The following LAT2 variants were observed in gnomAD, a reference collection of about 807,000 sequenced individuals.
The protein encoded by LAT2 is linker for activation of T-cells family member 2.
A neutral mutation model predicts 43.4 loss-of-function variants in LAT2; 23 were observed. The ratio of observed to expected loss-of-function variants is 0.53; its 90% confidence interval spans 0.38 to 0.75. The LOEUF (loss-of-function observed/expected upper bound fraction) is 0.75. LAT2 is among the 30% of genes least tolerant of loss of function. The probability of loss-of-function intolerance (pLI) is 0.00; values close to 1 mark genes in which losing one functional copy is unlikely to be tolerated. For synonymous variants in LAT2, 128 were observed against 123.2 expected (o/e 1.04, Z -0.26); for missense variants, 284 against 310.2 (o/e 0.92, Z 0.64).
chr7:74,216,397 G>A (rs1802049188), intron 3 of LAT2, among the ~76,000 whole-genome samples: 1 of 151,918 alleles, frequency 6.6e-6, no homozygotes, highest in Admixed American at 6.6e-5. Context: ...TTTGGACAGA[G>A]TCTTGCTCTG....
chr7:74,223,415 C>A (rs1554715571), intron 10 of LAT2, among the ~76,000 whole-genome samples: 1 of 152,068 alleles, frequency 6.6e-6, no homozygotes, highest in African/African-American at 2.4e-5. Context: ...TCGTTTGAGC[C>A]GGGAGTTGGA....
rs781813410 is a variant in LAT2 at position 74,220,690 on chromosome 7, G to A, written c.302-14G>A. 2.6e-5 allele frequency: 42 copies of A among 1,610,418 alleles called. No homozygotes were observed. The highest frequency in any genetic ancestry group is 4.5e-5 in the East Asian group (2 of 44,804). ...ACCCAGGGGCTCAGGCCCAATTCTCGCCTCCTCCCGCAGGAAGCAGACACG... is the reference window on the plus strand; with the variant it reads ...ACCCAGGGGCTCAGGCCCAATTCTCACCTCCTCCCGCAGGAAGCAGACACG... On this transcript the variant is annotated splice_polypyrimidine_tract_variant and intron_variant, in intron 8 of 13. Transcript: ENST00000460943. This position sits in a 1 kb window ranked among gnomAD's most constrained non-coding sequence, Gnocchi z 4.5.
chr7:74,219,580 A>G (rs1802184747), intron 4 of LAT2, among the ~76,000 whole-genome samples, 164 bp from the exon 5 acceptor site: 1 of 152,164 alleles, frequency 6.6e-6, no homozygotes, highest in Non-Finnish European at 1.5e-5. Context: ...TAGCATGGGG[A>G]GCCGTGAGAA....
chr7:74,226,059 G>A (rs1194743166), intron 13 of LAT2: 1 of 152,260 alleles, frequency 6.6e-6, no homozygotes, highest in African/African-American at 2.4e-5. Flanking sequence ...CACTTCGGGA[G>A]GCTGAGGCGG....
intron 12 of LAT2, 41 bp from the exon 13 acceptor site, chr7:74,224,598 A>G: frequency 1.3e-6 from 2 of 1,522,662 alleles, no homozygotes; most frequent in Non-Finnish European, 1.8e-6. Flanking sequence ...GGGTGTCTCC[A>G]TGTGAACCAC....
At chr7:74,214,596 A>G (rs1273135281) in intron 1 of LAT2, among the ~76,000 whole-genome samples, 7 of 594 alleles carry the variant, frequency 0.012, 1 homozygote, top group African/African-American at 0.016. Flanking sequence ...AAATATATAT[A>G]TGAAAATATA....
At chr7:74,213,680 C>T (rs931382191) in intron 1 of LAT2, among the ~76,000 whole-genome samples, 6 of 152,160 alleles carry the variant, frequency 3.9e-5, no homozygotes, top group Admixed American at 2.0e-4. Context: ...GCCTTGGCCT[C>T]CCAAAGTGCT....
chr7:74,222,230 C>CA (rs113312443), intron 10 of LAT2, among the ~76,000 whole-genome samples: 12,204 of 65,560 alleles, frequency 0.19, 882 homozygotes, highest in East Asian at 0.44. Flanking sequence ...TACAAAAATA[C>CA]AAAAAAAAAA....
intron 13 of LAT2, among the ~76,000 whole-genome samples, chr7:74,226,908 G>T (rs2116202337): frequency 6.6e-6 from 1 of 152,194 alleles, no homozygotes; most frequent in East Asian, 1.9e-4. Context: ...ACAGGTCTGA[G>T]CAAAGCCAGG....
rs1554715033 is a variant in LAT2, at chr7:74,220,538, A to T, written c.266-46A>T. On this transcript the variant is annotated intron_variant, in intron 7 of 13. Transcript: ENST00000460943. The surrounding 1 kb of genome is among the most constrained non-coding windows in gnomAD (Gnocchi z 4.5). ...GGCTGCAGCACCCGAGCTGGGTGCA[A>T]AGCAGGGGCCAGGGGAGAAAGCAAT... 1 of 1,612,874 alleles carries T rather than the reference A, an allele frequency of 6.2e-7. No homozygotes were observed. The highest frequency in any genetic ancestry group is 2.2e-5 in the East Asian group (1 of 44,860).
At chr7:74,218,657 C>T (rs1802132594) in intron 4 of LAT2, among the ~76,000 whole-genome samples, 1 of 152,170 alleles carries the variant, frequency 6.6e-6, no homozygotes, top group Non-Finnish European at 1.5e-5. Context: ...TCCATGGCCA[C>T]ACTTTGGTGC....
rs1289583696 is a variant in LAT2, at chr7:74,219,957, T to C, written c.179-3T>C. 4 of 1,613,550 alleles carry C rather than the reference T, an allele frequency of 2.5e-6. No individual in the cohort carries two copies. Among genetic ancestry groups the C allele is most frequent in the Non-Finnish European group, 3.4e-6 (4 of 1,179,982 alleles). Reference sequence around the variant, plus strand: ...CCAACACCCCACTTCTTGCCCTTTGTAGTGGTCGGGCAGGCATGGCCAGGA... The same window carrying C: ...CCAACACCCCACTTCTTGCCCTTTGCAGTGGTCGGGCAGGCATGGCCAGGA... On this transcript the variant is annotated splice_region_variant and splice_polypyrimidine_tract_variant and intron_variant, in intron 5 of 13. Coordinates refer to ENST00000460943, the MANE Select transcript of LAT2 (RefSeq NM_032464.3).
chr7:74,215,697 G>T (rs1004121385), intron 2 of LAT2, among the ~76,000 whole-genome samples: 1 of 152,182 alleles, frequency 6.6e-6, no homozygotes, highest in Non-Finnish European at 1.5e-5. Flanking sequence ...TGCACATGGG[G>T]CTGTCTTGTG....
At position 74,219,947 on chromosome 7, in the gene LAT2, T is replaced by C; in HGVS notation, c.179-13T>C. Reference sequence around the variant, plus strand: ...GGGGGCCCAGCCAACACCCCACTTCTTGCCCTTTGTAGTGGTCGGGCAGGC... The same window carrying C: ...GGGGGCCCAGCCAACACCCCACTTCCTGCCCTTTGTAGTGGTCGGGCAGGC... On this transcript the variant is annotated splice_polypyrimidine_tract_variant and intron_variant, in intron 5 of 13. Transcript: ENST00000460943. 1.2e-6 allele frequency: 2 copies of C among 1,613,522 alleles called. No homozygotes were observed. The highest frequency in any genetic ancestry group is 1.1e-5 in the South Asian group (1 of 91,084).
rs573059828 is a variant in LAT2, at chr7:74,221,708, A to G, written c.388+16A>G. 4.4e-4 allele frequency: 706 copies of G among 1,605,994 alleles called. 10 individuals carry two copies. In the South Asian group the frequency reaches 6.8e-3, roughly 16 times the overall value. The stretch of plus-strand genomic sequence containing the variant: ...CCCCCAGAAGGTGAGGCGAAGGACA[A>G]AGCCGGAGGTGGAGGAAGTGGTGTG... On this transcript the variant is annotated intron_variant, in intron 10 of 13. Coordinates refer to ENST00000460943, the MANE Select transcript of LAT2 (RefSeq NM_032464.3).
chr7:74,223,958 A>G lies in LAT2; in HGVS notation c.449-60A>G, dbSNP rs552441791. ...CCCTACTATCCTCGGAGGCAGCTCTATTGGCTCCTGGTGCCTCTGTGGGAC... is the reference window on the plus strand; with the variant it reads ...CCCTACTATCCTCGGAGGCAGCTCTGTTGGCTCCTGGTGCCTCTGTGGGAC... On this transcript the variant is annotated intron_variant, in intron 11 of 13. Transcript: ENST00000460943. 3.6e-5 allele frequency: 56 copies of G among 1,560,574 alleles called. No individual in the cohort carries two copies. The Middle Eastern group carries it at 1.0e-3, about 29-fold the overall frequency.
intron 4 of LAT2, among the ~76,000 whole-genome samples, chr7:74,218,837 C>T (rs1321682182): frequency 5.9e-5 from 9 of 152,034 alleles, no homozygotes; most frequent in African/African-American, 2.2e-4. Context: ...GCTGGGATTA[C>T]AGGCATGCGC....
intron 1 of LAT2, among the ~76,000 whole-genome samples, chr7:74,212,035 C>T (rs543269593): frequency 6.6e-6 from 1 of 152,240 alleles, no homozygotes; most frequent in Admixed American, 6.6e-5. Flanking sequence ...CTTCCAACTC[C>T]TGGGCTCAAG....
rs550153099 is a variant in LAT2 at position 74,217,430 on chromosome 7, CAGAAAAGAAAAAA to C, written c.134+581_134+593del. Among the ~76,000 whole-genome samples, 23 of 151,334 alleles carry C rather than the reference CAGAAAAGAAAAAA, an allele frequency of 1.5e-4. 1 individual carries two copies. The East Asian group carries it at 1.6e-3, about 10-fold the overall frequency. The stretch of plus-strand genomic sequence containing the variant: ...TGGGCAAAAAAGCAAGATTCCGTCT[CAGAAAAGAAAAAA>C]AGAAAAGAAAAAAAAAATAGAGGTC... On this transcript the variant is annotated intron_variant, in intron 4 of 13. Coordinates refer to ENST00000460943, the MANE Select transcript of LAT2 (RefSeq NM_032464.3).
Sources: gnomAD v4.1 joint callset for allele counts (sites outside exome capture counted in the v4.1 genomes callset) on GRCh38, gnomAD v4.1.1 for gene constraint, Gnocchi (gnomAD v3.1) non-coding constraint, MANE v1.5 for transcripts, NCBI Gene and HGNC (gene_info 2026-07-23, HGNC 2026-07-21) for gene names.